STON2: variants seen among roughly 807,000 people sequenced by gnomAD.
STON2 encodes stonin-2.
In STON2, 29 loss-of-function variants were observed where a neutral mutation model predicts 65.7. That is an observed-to-expected ratio of 0.44 (90% CI 0.33 to 0.60). The LOEUF (loss-of-function observed/expected upper bound fraction) is 0.60. STON2 is among the 20% of genes least tolerant of loss of function. STON2 has a pLI of 0.03. For missense variants in STON2, 1,054 were observed against 1,118.1 expected (o/e 0.94, Z 0.82); for synonymous variants, 404 against 414.2 (o/e 0.98, Z 0.30).
chr14:81,330,682 G>A (rs1204447919), intron 4 of STON2, among the ~76,000 whole-genome samples: 2 of 152,154 alleles, frequency 1.3e-5, no homozygotes, highest in African/African-American at 4.8e-5. Context: ...ACTGTCAGGA[G>A]CACATGATTT....
chr14:81,324,905 G>A (rs540061885), intron 4 of STON2, among the ~76,000 whole-genome samples: 33 of 152,290 alleles, frequency 2.2e-4, no homozygotes, highest in Admixed American at 2.1e-3. Flanking sequence ...GAGATGGAGC[G>A]GAGGGCGACG....
intron 4 of STON2, among the ~76,000 whole-genome samples, chr14:81,354,479 T>C (rs892303595): frequency 6.6e-5 from 10 of 152,100 alleles, no homozygotes; most frequent in Non-Finnish European, 2.9e-5. Context: ...TAGGAAATCA[T>C]GACACCTCCA....
intron 4 of STON2, among the ~76,000 whole-genome samples, chr14:81,363,310 T>C (rs903441403): frequency 3.9e-5 from 6 of 152,122 alleles, no homozygotes; most frequent in African/African-American, 1.4e-4. Context: ...AGAAACAATT[T>C]TAAAAATTAT....
chr14:81,385,446 T>C (rs1005664745), intron 3 of STON2, among the ~76,000 whole-genome samples: 1 of 152,212 alleles, frequency 6.6e-6, no homozygotes, highest in Admixed American at 6.5e-5. Flanking sequence ...TATGTATCTA[T>C]GTATATGTCC....
intron 2 of STON2, among the ~76,000 whole-genome samples, chr14:81,417,987 C>A (rs1390360310): frequency 6.6e-6 from 1 of 152,070 alleles, no homozygotes; most frequent in Non-Finnish European, 1.5e-5. Context: ...CTTGAGTGGT[C>A]GCTGGTGACT....
chr14:81,306,259 T>A (rs1315635807), intron 5 of STON2, among the ~76,000 whole-genome samples: 1 of 128,124 alleles, frequency 7.8e-6, no homozygotes, highest in African/African-American at 3.0e-5. Context: ...AGATGGAGTT[T>A]CACTCAGTCG....
intron 6 of STON2, among the ~76,000 whole-genome samples, chr14:81,271,077 G>C (rs112678679): frequency 2.6e-5 from 4 of 152,060 alleles, no homozygotes; most frequent in Non-Finnish European, 5.9e-5. Flanking sequence ...TAACTCCATC[G>C]GATTCTAGCA....
chr14:81,368,018 T>A (rs1464910136), intron 4 of STON2, among the ~76,000 whole-genome samples: 1 of 152,218 alleles, frequency 6.6e-6, no homozygotes, highest in Non-Finnish European at 1.5e-5. Flanking sequence ...ACATATGGAC[T>A]TTATCCTCAA....
intron 3 of STON2, among the ~76,000 whole-genome samples, chr14:81,377,272 ACTTT>A (rs1595416014): frequency 1.3e-5 from 2 of 152,284 alleles, no homozygotes; most frequent in East Asian, 3.9e-4. Flanking sequence ...GCATTATACA[ACTTT>A]TTAGGACTGG....
At chr14:81,422,190 G>A (rs1169570259) in intron 2 of STON2, among the ~76,000 whole-genome samples, 4 of 152,146 alleles carry the variant, frequency 2.6e-5, no homozygotes, top group Non-Finnish European at 5.9e-5. Context: ...GGATGGTGAG[G>A]CCAGATCCCT....
intron 4 of STON2, among the ~76,000 whole-genome samples, chr14:81,340,026 C>T (rs917967385): frequency 6.6e-5 from 10 of 152,184 alleles, no homozygotes; most frequent in East Asian, 1.9e-4. Context: ...TGGTGGCGGG[C>T]GCCTGTAGTC....
intron 4 of STON2, chr14:81,333,128 C>T (rs1897265884): frequency 7.8e-7 from 1 of 1,283,784 alleles, no homozygotes; most frequent in African/African-American, 1.5e-5. Context: ...TCCAAGAAAT[C>T]ATAAATCATG....
rs1225047549 is a variant in STON2 at position 81,266,954 on chromosome 14, T to C, written c.*1460A>G. Reference sequence around the variant, plus strand: ...TTTACTTTCAGTCTTAGTTCAGATATTTCAAAATACTGTAACTATTTCTAT... The same window carrying C: ...TTTACTTTCAGTCTTAGTTCAGATACTTCAAAATACTGTAACTATTTCTAT... On this transcript the variant is annotated 3_prime_UTR_variant, in exon 8 of 8. Transcript: ENST00000614646. 1 of 985,074 alleles carries C rather than the reference T, an allele frequency of 1.0e-6. No homozygotes were observed. Among genetic ancestry groups the C allele is most frequent in the African/African-American group, 1.7e-5 (1 of 57,242 alleles). 61.0% of individuals were successfully genotyped at this position (985,074 alleles called of 1,614,324 possible).
intron 5 of STON2, among the ~76,000 whole-genome samples, chr14:81,308,784 A>C: frequency 1.2e-4 from 2 of 17,046 alleles, no homozygotes; most frequent in Middle Eastern, 0.022. Flanking sequence ...TTTTACCCAT[A>C]TATATATATA....
In STON2 at chr14:81,278,723, A is replaced by G; in HGVS notation, c.759T>C (p.Leu253=). 1 of 1,516,382 alleles carries G rather than the reference A, an allele frequency of 6.6e-7. No homozygotes were observed. Among genetic ancestry groups the G allele is most frequent in the African/African-American group, 1.4e-5 (1 of 71,756 alleles). The allele number at this position is 1,516,382 out of a possible 1,614,324, so 93.9% of individuals were successfully genotyped here. The change falls in exon 6 of 8, where the codon CTT becomes CTC. Residue 253 remains leucine (L), a synonymous_variant. Coordinates refer to ENST00000614646, the MANE Select transcript of STON2 (RefSeq NM_001394390.1). ...ASAPNDNSSS[L]QEDEEVEMEA... Reference sequence around the variant, plus strand: ...CCATCTCTACTTCTTCATCTTCTTGAAGCGAGGAGGAATTGTCTAAAAGGA... The same window carrying G: ...CCATCTCTACTTCTTCATCTTCTTGGAGCGAGGAGGAATTGTCTAAAAGGA...
chr14:81,418,586 A>G (rs1901554432), intron 2 of STON2, among the ~76,000 whole-genome samples: 3 of 152,164 alleles, frequency 2.0e-5, no homozygotes, highest in African/African-American at 7.2e-5. Context: ...CAGCATACAC[A>G]TTGTTAATCC....
intron 5 of STON2, among the ~76,000 whole-genome samples, chr14:81,307,196 G>A (rs1566900332): frequency 6.6e-6 from 1 of 152,214 alleles, no homozygotes; most frequent in Non-Finnish European, 1.5e-5. Context: ...ACACCTTCAA[G>A]TGAGTCTAAG....
Position 81,260,921 on chromosome 14 carries a change from G to A in STON2, c.*7493C>T, listed in dbSNP as rs531059036. The stretch of plus-strand genomic sequence containing the variant: ...AGCTGAATCATTCACTGGATCTTGG[G>A]TTCATCCATCCTGACGCACTGAAAT... On this transcript the variant is annotated 3_prime_UTR_variant, in exon 8 of 8. Transcript: ENST00000614646. 6.6e-6 allele frequency: 1 copy of A among 152,322 alleles called. No homozygotes were observed. The highest frequency in any genetic ancestry group is 1.9e-4 in the East Asian group (1 of 5,182). 9.4% of individuals were successfully genotyped at this position (152,322 alleles called of 1,614,324 possible). A position where few individuals can be genotyped will look rare whatever the true frequency, so the allele number is the denominator to read the frequency against.
chr14:81,305,835 C>T (rs75189146), intron 5 of STON2, among the ~76,000 whole-genome samples: 9,457 of 151,828 alleles, frequency 0.062, 374 homozygotes, highest in South Asian at 0.15. Context: ...AGGTTCCTCA[C>T]CCTGATGTAG....
Sources: allele counts gnomAD v4.1 joint callset (sites outside exome capture counted in the v4.1 genomes callset), GRCh38; gene constraint gnomAD v4.1.1; transcripts MANE v1.5; gene names NCBI Gene and HGNC (gene_info 2026-07-23, HGNC 2026-07-21).